The following DUOXA2 variants were observed in gnomAD, a reference collection of about 807,000 sequenced individuals.
DUOXA2 encodes dual oxidase maturation factor 2.
In DUOXA2, 22 loss-of-function variants were observed where a neutral mutation model predicts 27.6. The observed-to-expected ratio is 0.80, with a 90% confidence interval of 0.57 to 1.14. The LOEUF is 1.14. Ranked by LOEUF, DUOXA2 falls within the 50% of genes most tolerant of loss-of-function variation. The pLI is 0.00. For missense variants in DUOXA2, 481 were observed against 419.9 expected, an observed-to-expected ratio of 1.15 and a Z score of -1.27; for synonymous variants, 188 against 184.4, an observed-to-expected ratio of 1.02 and a Z score of -0.16.
At chr15:45,115,527 G>A (rs1186719955) in intron 1 of DUOXA2, 1 of 637,874 alleles carries the variant, frequency 1.6e-6, no homozygotes, top group Admixed American at 2.1e-5. Context: ...AGACAGCTAG[G>A]GGAGTGAAGG....
Position 45,117,876 on chromosome 15 carries a change from C to T in DUOXA2, c.930C>T (p.Leu310=). The T allele has an allele frequency of 6.2e-7, 1 of 1,613,600 alleles. No individual in the cohort carries two copies. The highest frequency in any genetic ancestry group is 8.5e-7 in the Non-Finnish European group (1 of 1,180,040). The change falls in exon 6 of 6, where the codon CTC becomes CTT. Residue 310 remains leucine (L), a synonymous_variant. Coordinates refer to ENST00000323030, the MANE Select transcript of DUOXA2 (RefSeq NM_207581.4). ...LGDPLHKQAA[L]PDLKCITTNL is the part of the protein sequence containing the mutation. ...ACCCACTGCACAAGCAGGCCGCTCT[C>T]CCAGACTTAAAATGTATCACCACTA...
chr15:45,115,781 G>T lies in DUOXA2; in HGVS notation c.148-18G>T, dbSNP rs191250593. The stretch of plus-strand genomic sequence containing the variant: ...GTTTGGCAGGGCTCAGGCCTGACCC[G>T]GGTGCCTATTCCTGCAGCGCTGGTT... On this transcript the variant is annotated intron_variant, in intron 1 of 5. Coordinates refer to ENST00000323030, the MANE Select transcript of DUOXA2 (RefSeq NM_207581.4). 1.1e-4 allele frequency: 182 copies of T among 1,614,130 alleles called. 1 individual carries two copies. The highest frequency in any genetic ancestry group is 3.3e-4 in the Middle Eastern group (2 of 6,060).
rs956915632 is a variant in DUOXA2, at chr15:45,118,220, T to C, written c.*311T>C. 1.1e-5 allele frequency: 16 copies of C among 1,412,144 alleles called. No homozygotes were observed. In the African/African-American group the frequency reaches 1.7e-4, roughly 15 times the overall value. The allele number at this position is 1,412,144 out of a possible 1,614,324, so 87.5% of individuals were successfully genotyped here. A position where few individuals can be genotyped will look rare whatever the true frequency, so the allele number is the denominator to read the frequency against. Reference sequence around the variant, plus strand: ...TCTCCGCAGTGCTGTGAAACCTGATTCTCTGCGTCGACTCCAGAGTAATAG... The same window carrying C: ...TCTCCGCAGTGCTGTGAAACCTGATCCTCTGCGTCGACTCCAGAGTAATAG... On this transcript the variant is annotated 3_prime_UTR_variant, in exon 6 of 6. Transcript: ENST00000323030.
In DUOXA2 at chr15:45,116,572, C is replaced by T; in HGVS notation, c.397C>T (p.Arg133Cys). The part of the protein sequence containing the change: ...TIDYNEQFTW[R>C]LKENYAAEYA... ...TGACTACAACGAGCAGTTCACCTGG[C>T]GTCTGAAAGAGAATTACGCCGCGGA... Residue 133 changes from arginine (R) to cysteine (C), a missense_variant, in exon 4 of 6, where the codon CGT (arginine) becomes TGT (cysteine). Physicochemically the swap from Arg to Cys is radical, Grantham distance 180. Coordinates refer to ENST00000323030, the MANE Select transcript of DUOXA2 (RefSeq NM_207581.4). The T allele has an allele frequency of 6.2e-7, 1 of 1,614,056 alleles. No homozygotes were observed. The highest frequency in any genetic ancestry group is 8.5e-7 in the Non-Finnish European group (1 of 1,180,038).
intron 1 of DUOXA2, chr15:45,115,591 T>C: frequency 1.4e-6 from 1 of 703,388 alleles, no homozygotes; most frequent in Non-Finnish European, 2.6e-6. Context: ...TTAGGGTAGA[T>C]GGGAAATGGG....
At chr15:45,116,294 G>T in intron 3 of DUOXA2, 36 bp downstream of exon 3, 6 of 1,611,498 alleles carry the variant, frequency 3.7e-6, no homozygotes, top group Non-Finnish European at 5.1e-6. Flanking sequence ...TCCTGGAGCT[G>T]GGAGATCCCC....
In DUOXA2 at chr15:45,117,786, C is replaced by T. The variant is rs1894761348; in HGVS notation, c.840C>T (p.Thr280=). Residue 280 remains threonine, a synonymous_variant, in exon 6 of 6, where the codon ACC becomes ACT. Coordinates refer to ENST00000323030, the MANE Select transcript of DUOXA2 (RefSeq NM_207581.4). ...ATGTTCGGCCCAGCGCTCTTCGCACCCTTCTGGACCAAAGCGCCAAGGACT... is the reference window on the plus strand; with the variant it reads ...ATGTTCGGCCCAGCGCTCTTCGCACTCTTCTGGACCAAAGCGCCAAGGACT... ...LQYVRPSALR[T]LLDQSAKDCS... is the part of the protein sequence containing the mutation. The T allele has an allele frequency of 2.5e-6, 4 of 1,613,972 alleles. No individual in the cohort carries two copies. Among genetic ancestry groups the T allele is most frequent in the Non-Finnish European group, 3.4e-6 (4 of 1,180,028 alleles).
rs1259828890 is a variant in DUOXA2 at position 45,114,751 on chromosome 15, C to T, written c.146C>T (p.Ser49Leu). The stretch of plus-strand genomic sequence containing the variant: ...ATCTTGCCGGGGATCCGTGGCCACT[C>T]GGTAAGGGTGTCCTCATAGTGCAGG... ...LLILPGIRGH[S>L]RWFWLVRVLL... is the part of the protein sequence containing the mutation. Residue 49 changes from serine (S) to leucine (L), a missense_variant and splice_region_variant, in exon 1 of 6, where the codon TCG (serine) becomes TTG (leucine). Transcript: ENST00000323030. 3 of 1,614,114 alleles carry T rather than the reference C, an allele frequency of 1.9e-6. No individual in the cohort carries two copies. Among genetic ancestry groups the T allele is most frequent in the African/African-American group, 1.3e-5 (1 of 75,022 alleles).
chr15:45,116,748 G>A lies in DUOXA2; in HGVS notation c.554+19G>A, dbSNP rs574441005. On this transcript the variant is annotated intron_variant, in intron 4 of 5. Coordinates refer to ENST00000323030, the MANE Select transcript of DUOXA2 (RefSeq NM_207581.4). The stretch of plus-strand genomic sequence containing the variant: ...CGCTATGGTAAGTGCTGGAGGGAAG[G>A]CTGTGTGCACGTGTGTGTGTGCCAG... 3.2e-5 allele frequency: 51 copies of A among 1,610,794 alleles called. No homozygotes were observed. The South Asian group carries it at 4.2e-4, about 13-fold the overall frequency.
chr15:45,117,068 C>G, intron 4 of DUOXA2, 23 bp from the exon 5 acceptor site: 1 of 1,595,818 alleles, frequency 6.3e-7, no homozygotes, highest in Non-Finnish European at 8.5e-7. Context: ...CCGCTCACAG[C>G]GGGTCCCCCC....
At position 45,117,580 on chromosome 15, in the gene DUOXA2, G is replaced by A. The variant is rs144739548; in HGVS notation, c.770-136G>A. ...GGCTCCAAAAGATGGAAGAAGGCCC[G>A]GGCATCACGCCTGTAATCCCAGCAC... is the stretch of plus-strand genomic sequence containing the variant. On this transcript the variant is annotated intron_variant, in intron 5 of 5. Transcript: ENST00000323030. The A allele has an allele frequency of 6.5e-5, 104 of 1,607,432 alleles. 1 individual carries two copies. The African/African-American group carries it at 1.3e-3, about 20-fold the overall frequency.
At position 45,114,593 on chromosome 15, in the gene DUOXA2, G is replaced by A. The variant is rs746926457; in HGVS notation, c.-13G>A. The A allele has an allele frequency of 6.2e-7, 1 of 1,613,524 alleles. No individual in the cohort carries two copies. The highest frequency in any genetic ancestry group is 1.1e-5 in the South Asian group (1 of 91,066). On this transcript the variant is annotated 5_prime_UTR_variant, in exon 1 of 6. Coordinates refer to ENST00000323030, the MANE Select transcript of DUOXA2 (RefSeq NM_207581.4). ...CCTGCCCGCCTGCGTGCAGCACTCG[G>A]CCGGCGTGCAGCATGACCCTGTGGA...
At position 45,118,190 on chromosome 15, in the gene DUOXA2, T is replaced by A. The variant is rs572078144; in HGVS notation, c.*281T>A. ...CTTCGCTGGGCTGGAGACAGCCTAG[T>A]ACACTCTCCGCAGTGCTGTGAAACC... On this transcript the variant is annotated 3_prime_UTR_variant, in exon 6 of 6. Coordinates refer to ENST00000323030, the MANE Select transcript of DUOXA2 (RefSeq NM_207581.4). The A allele has an allele frequency of 1.4e-6, 2 of 1,431,806 alleles. No homozygotes were observed. The highest frequency in any genetic ancestry group is 2.5e-5 in the East Asian group (1 of 39,928). 88.7% of individuals were successfully genotyped at this position (1,431,806 alleles called of 1,614,324 possible).
At chr15:45,115,505 G>A (rs1202950961) in intron 1 of DUOXA2, 1 of 599,608 alleles carries the variant, frequency 1.7e-6, no homozygotes, top group East Asian at 3.6e-5. Flanking sequence ...GGCAGAACCA[G>A]GACCAGGCGC....
At chr15:45,116,472 G>T (rs1266482996) in intron 3 of DUOXA2, 44 bp from the exon 4 acceptor site, 1 of 1,608,578 alleles carries the variant, frequency 6.2e-7, no homozygotes, top group Non-Finnish European at 8.5e-7. Context: ...TAGTTGCGAG[G>T]TCTCCGACCG....
chr15:45,118,127 C>A lies in DUOXA2; in HGVS notation c.*218C>A. On this transcript the variant is annotated 3_prime_UTR_variant, in exon 6 of 6. Coordinates refer to ENST00000323030, the MANE Select transcript of DUOXA2 (RefSeq NM_207581.4). The stretch of plus-strand genomic sequence containing the variant: ...AAAAACTGTTTTTCCCATTAATTTT[C>A]ATGGCTTCTCCGCGCCGGGGTCGCA... The A allele has an allele frequency of 1.8e-5, 26 of 1,445,076 alleles. No homozygotes were observed. The Admixed American group carries it at 1.9e-4, about 11-fold the overall frequency. 89.5% of individuals were successfully genotyped at this position (1,445,076 alleles called of 1,614,324 possible). A position where few individuals can be genotyped will look rare whatever the true frequency, so the allele number is the denominator to read the frequency against.
intron 2 of DUOXA2, 83 bp downstream of exon 2, chr15:45,115,939 G>C (rs1474762571): frequency 6.2e-7 from 1 of 1,606,946 alleles, no homozygotes; most frequent in African/African-American, 1.3e-5. Flanking sequence ...TAGGGAACTG[G>C]GGTTGGTTTT....
intron 1 of DUOXA2, among the ~76,000 whole-genome samples, chr15:45,115,099 G>A (rs1566980563): frequency 6.6e-6 from 1 of 152,176 alleles, no homozygotes; most frequent in East Asian, 1.9e-4. Context: ...CCCATCCGGT[G>A]GGTGATGACC....
intron 1 of DUOXA2, among the ~76,000 whole-genome samples, chr15:45,115,151 G>A (rs1224603541): frequency 6.6e-6 from 1 of 152,238 alleles, no homozygotes; most frequent in Non-Finnish European, 1.5e-5. Context: ...AGACTGCAGT[G>A]TTCCCCTTTG....
Sources: gnomAD v4.1 joint callset for allele counts (sites outside exome capture counted in the v4.1 genomes callset) on GRCh38, gnomAD v4.1.1 for gene constraint, MANE v1.5 for transcripts, NCBI Gene and HGNC (gene_info 2026-07-23, HGNC 2026-07-21) for gene names.